KCNQ5: variants seen among roughly 807,000 people sequenced by gnomAD.
KCNQ5 encodes potassium voltage-gated channel subfamily KQT member 5.
A neutral mutation model predicts 98.2 loss-of-function variants in KCNQ5; 30 were observed. The ratio of observed to expected loss-of-function variants is 0.31; its 90% CI spans 0.23 to 0.41. The LOEUF (loss-of-function observed/expected upper bound fraction) is 0.41, where lower values mean the gene tolerates loss of function less well. Ranked by LOEUF, KCNQ5 falls within the 10% of genes least tolerant of loss-of-function variation. The pLI, the probability that KCNQ5 is intolerant of heterozygous loss-of-function variation, is 1.00. For synonymous variants in KCNQ5, 458 were observed against 449.4 expected (o/e 1.02, Z -0.24); for missense variants, 835 against 1,182.5 (o/e 0.71, Z 4.31).
At chr6:72,685,914 G>T (rs1341106264) in intron 1 of KCNQ5, among the ~76,000 whole-genome samples, 1 of 152,188 alleles carries the variant, frequency 6.6e-6, no homozygotes, top group Non-Finnish European at 1.5e-5. Flanking sequence ...CCTAGATCAA[G>T]ATGCCAACAG....
intron 1 of KCNQ5, among the ~76,000 whole-genome samples, chr6:72,844,843 G>A (rs2150136640): frequency 6.6e-6 from 1 of 152,268 alleles, no homozygotes; most frequent in Admixed American, 6.5e-5. Flanking sequence ...CCTGCTCCCT[G>A]TGCTTTTGCT....
rs184816413 is a variant in KCNQ5 at position 73,030,335 on chromosome 6, T to G, written c.490-11601T>G. Among the ~76,000 whole-genome samples the G allele has an allele frequency of 2.8e-4, 42 of 152,320 alleles. No individual in the cohort carries two copies. The East Asian group carries it at 8.1e-3, about 29-fold the overall frequency. On this transcript the variant is annotated intron_variant, in intron 2 of 13. Transcript: ENST00000370398. ...CTGTCAGTTTTTATTCTGAGATTTCTGCCTTTCCTGTTCTTTTGCATGAGC... is the reference window on the plus strand; with the variant it reads ...CTGTCAGTTTTTATTCTGAGATTTCGGCCTTTCCTGTTCTTTTGCATGAGC...
At chr6:72,749,828 A>T (rs890221339) in intron 1 of KCNQ5, among the ~76,000 whole-genome samples, 25 of 152,118 alleles carry the variant, frequency 1.6e-4, no homozygotes, top group African/African-American at 6.0e-4. Flanking sequence ...TTTTTCATTT[A>T]TTTCTTCAGA....
chr6:72,977,206 A>C (rs1419843460), intron 1 of KCNQ5, among the ~76,000 whole-genome samples: 1 of 152,202 alleles, frequency 6.6e-6, no homozygotes, highest in Non-Finnish European at 1.5e-5. Flanking sequence ...CTAGAGGAGA[A>C]GTAGTGAGGA....
At chr6:73,045,353 T>C (rs556692943) in intron 3 of KCNQ5, among the ~76,000 whole-genome samples, 20 of 152,234 alleles carry the variant, frequency 1.3e-4, no homozygotes, top group Admixed American at 3.9e-4. Context: ...TGCTTGGTTT[T>C]AAGCATTTGC....
chr6:72,884,384 G>C (rs566509828), intron 1 of KCNQ5, among the ~76,000 whole-genome samples: 1 of 152,110 alleles, frequency 6.6e-6, no homozygotes, highest in Non-Finnish European at 1.5e-5. Flanking sequence ...AGAAGGAAAA[G>C]TCCAATATGA....
intron 2 of KCNQ5, among the ~76,000 whole-genome samples, chr6:73,016,215 T>C (rs921520205): frequency 1.3e-5 from 2 of 151,970 alleles, no homozygotes; most frequent in Admixed American, 6.6e-5. Flanking sequence ...GAGACTTGAA[T>C]GGAATGAGGC....
At chr6:73,048,355 A>G (rs1047948645) in intron 3 of KCNQ5, among the ~76,000 whole-genome samples, 5 of 152,162 alleles carry the variant, frequency 3.3e-5, no homozygotes, top group Non-Finnish European at 7.4e-5. Context: ...CTTGGGTTGT[A>G]CAAGGTGGAG....
rs372290252 is a variant in KCNQ5, at chr6:73,190,701, C to A, written c.1706C>A (p.Thr569Lys). The A allele has an allele frequency of 6.5e-7, 1 of 1,544,234 alleles. No individual in the cohort carries two copies. The highest frequency in any genetic ancestry group is 2.3e-5 in the East Asian group (1 of 43,018). Residue 569 changes from threonine to lysine, a missense_variant, in exon 12 of 14, where the codon ACA (threonine) becomes AAA (lysine). Around this residue, in one of 10 missense-constraint regions of KCNQ5, gnomAD observed 416 missense variants for 446.9 expected, o/e 0.93. Transcript: ENST00000370398. ...DMLCRIKSLQ[T>K]RVDQILGKGQ... The stretch of plus-strand genomic sequence containing the variant: ...TTGTGTAGAATTAAAAGCCTTCAAA[C>A]ACGGTAAGCAATGGAAATGTCATTC...
intron 1 of KCNQ5, among the ~76,000 whole-genome samples, chr6:72,921,961 G>T (rs1278533641): frequency 1.3e-5 from 2 of 152,152 alleles, no homozygotes; most frequent in African/African-American, 4.8e-5. Context: ...TGAAATTCTT[G>T]ATACAGTTAA....
intron 1 of KCNQ5, among the ~76,000 whole-genome samples, chr6:72,853,881 A>T (rs1462266202): frequency 1.3e-5 from 2 of 152,176 alleles, no homozygotes; most frequent in Admixed American, 6.6e-5. Flanking sequence ...TTTCTTATAA[A>T]CATTTAGAGA....
At chr6:72,776,203 C>T (rs886797324) in intron 1 of KCNQ5, among the ~76,000 whole-genome samples, 1 of 152,122 alleles carries the variant, frequency 6.6e-6, no homozygotes, top group Non-Finnish European at 1.5e-5. Flanking sequence ...GGGAAGCGTG[C>T]TCTCCAACAT....
intron 1 of KCNQ5, among the ~76,000 whole-genome samples, chr6:72,893,961 G>A (rs991790820): frequency 2.2e-4 from 34 of 152,034 alleles, no homozygotes; most frequent in African/African-American, 8.2e-4. Context: ...TATATAATTA[G>A]GTATATAATT....
intron 3 of KCNQ5, among the ~76,000 whole-genome samples, chr6:73,068,959 A>C (rs1305543693): frequency 2.0e-5 from 3 of 152,204 alleles, no homozygotes; most frequent in Non-Finnish European, 4.4e-5. Context: ...ATACCATACC[A>C]ATTTATTCTT....
chr6:72,812,657 C>CT (rs1237303669), intron 1 of KCNQ5, among the ~76,000 whole-genome samples: 1 of 152,102 alleles, frequency 6.6e-6, no homozygotes, highest in Non-Finnish European at 1.5e-5. Context: ...GTCAGAGAGG[C>CT]TTATTAACTT....
intron 5 of KCNQ5, among the ~76,000 whole-genome samples, chr6:73,090,487 A>C (rs74511127): frequency 0.047 from 7,094 of 152,028 alleles, 194 homozygotes; most frequent in East Asian, 0.11. Flanking sequence ...TCCTTGCCTA[A>C]CTCAATGTAT....
At chr6:72,800,706 A>C (rs1774599285) in intron 1 of KCNQ5, among the ~76,000 whole-genome samples, 1 of 151,944 alleles carries the variant, frequency 6.6e-6, no homozygotes, top group African/African-American at 2.4e-5. Context: ...TAGTTCTTTT[A>C]ATTGTGATGT....
In KCNQ5 at chr6:72,924,022, GA is replaced by G. The variant is rs377176480; in HGVS notation, c.399-79885del. On this transcript the variant is annotated intron_variant, in intron 1 of 13. Coordinates refer to ENST00000370398, the MANE Select transcript of KCNQ5 (RefSeq NM_019842.4). The stretch of plus-strand genomic sequence containing the variant: ...ATAATTCAATCATAGTTTACTAAAT[GA>G]GAACATTTTGCTAATACTTTATGGG... Among the ~76,000 whole-genome samples, 30 of 152,306 alleles carry G rather than the reference GA, an allele frequency of 2.0e-4. No homozygotes were observed. In the East Asian group the frequency reaches 5.6e-3, roughly 28 times the overall value.
intron 1 of KCNQ5, among the ~76,000 whole-genome samples, chr6:72,654,479 C>T (rs188422510): frequency 3.9e-4 from 60 of 152,028 alleles, no homozygotes; most frequent in African/African-American, 1.2e-3. Context: ...ATTTGTGAGT[C>T]GGTTTTCTGA....
Sources: allele counts gnomAD v4.1 joint callset (sites outside exome capture counted in the v4.1 genomes callset), GRCh38; gene constraint gnomAD v4.1.1; regional missense constraint gnomAD v4.1.1; transcripts MANE v1.5; gene names NCBI Gene and HGNC (gene_info 2026-07-23, HGNC 2026-07-21).